SLC36A4: variants seen among roughly 807,000 people sequenced by gnomAD.
SLC36A4 encodes the protein solute carrier family 36 member 4, also known as neutral amino acid uniporter 4.
In SLC36A4, 49 loss-of-function variants were observed where a neutral mutation model predicts 50.5. The observed-to-expected ratio is 0.97, with a 90% CI of 0.77 to 1.23. The LOEUF is 1.23. Among genes scored for constraint, SLC36A4 ranks in the 50% most tolerant of loss-of-function variants. The probability of loss-of-function intolerance (pLI) is 0.00; values close to 1 mark genes in which losing one functional copy is unlikely to be tolerated. For synonymous variants in SLC36A4, 207 were observed against 206.5 expected, an observed-to-expected ratio of 1.00 and a Z score of -0.02; for missense variants, 611 against 608.4, an observed-to-expected ratio of 1.00 and a Z score of -0.05.
chr11:93,166,294 A>G, intron 7 of SLC36A4: 1 of 1,141,156 alleles, frequency 8.8e-7, no homozygotes, highest in Non-Finnish European at 1.1e-6. Context: ...CCAGGCTGTG[A>G]ACACTAGGTA....
intron 9 of SLC36A4, among the ~76,000 whole-genome samples, chr11:93,159,195 G>C (rs990456048): frequency 9.9e-5 from 15 of 152,020 alleles, no homozygotes; most frequent in African/African-American, 3.6e-4. Flanking sequence ...TAATACCTTA[G>C]TAAAGGACAG....
At chr11:93,157,521 G>A (rs1304561374) in intron 9 of SLC36A4, among the ~76,000 whole-genome samples, 3 of 152,128 alleles carry the variant, frequency 2.0e-5, no homozygotes, top group Non-Finnish European at 2.9e-5. Context: ...TGATTTCTCT[G>A]AGCAGTGTTT....
chr11:93,165,227 T>C (rs565328813), intron 8 of SLC36A4, among the ~76,000 whole-genome samples: 1 of 152,250 alleles, frequency 6.6e-6, no homozygotes, highest in East Asian at 1.9e-4. Flanking sequence ...ATCATCAGAC[T>C]ATGAAACATA....
intron 6 of SLC36A4, 56 bp from the exon 7 acceptor site, chr11:93,168,227 A>T: frequency 1.0e-6 from 1 of 1,004,120 alleles, no homozygotes; most frequent in Non-Finnish European, 1.5e-6. Flanking sequence ...TCAACTTACA[A>T]TCATAAAACA....
chr11:93,182,729 A>T (rs1490255201), intron 4 of SLC36A4, 77 bp downstream of exon 4: 2 of 1,020,036 alleles, frequency 2.0e-6, no homozygotes, highest in Non-Finnish European at 2.9e-6. Flanking sequence ...TACAAAGCAC[A>T]GTAGAATATA....
intron 1 of SLC36A4, among the ~76,000 whole-genome samples, chr11:93,187,556 A>G (rs1862042756): frequency 6.6e-6 from 1 of 152,116 alleles, no homozygotes; most frequent in Admixed American, 6.5e-5. Flanking sequence ...ATCTGCCTTA[A>G]GTGACACATT....
rs1472449089 is a variant in SLC36A4 at position 93,146,414 on chromosome 11, T to C, written c.*2123A>G. 6.6e-6 allele frequency: 1 copy of C among 151,992 alleles called. No homozygotes were observed. The highest frequency in any genetic ancestry group is 1.9e-4 in the East Asian group (1 of 5,176). The allele number at this position is 151,992 out of a possible 1,614,324, so 9.4% of individuals were successfully genotyped here. ...AATACTAGTTTCAGTGAAGATTCGT[T>C]TTCCTATAACTTCTTCTGCATTCTC... On this transcript the variant is annotated 3_prime_UTR_variant, in exon 11 of 11. Coordinates refer to ENST00000326402, the MANE Select transcript of SLC36A4 (RefSeq NM_152313.4).
At chr11:93,162,123 A>AT (rs1565220531) in intron 9 of SLC36A4, among the ~76,000 whole-genome samples, 1 of 152,170 alleles carries the variant, frequency 6.6e-6, no homozygotes, top group East Asian at 1.9e-4. Context: ...ACAAGTATTA[A>AT]TTTTTTTATT....
chr11:93,158,619 T>C (rs1210063236), intron 9 of SLC36A4, among the ~76,000 whole-genome samples: 2 of 152,114 alleles, frequency 1.3e-5, no homozygotes, highest in Non-Finnish European at 2.9e-5. Context: ...ATGAACTGTT[T>C]CACTCCTACT....
At chr11:93,172,440 T>A (rs1265825651) in intron 6 of SLC36A4, among the ~76,000 whole-genome samples, 1 of 151,166 alleles carries the variant, frequency 6.6e-6, no homozygotes, top group South Asian at 2.1e-4. Flanking sequence ...GTCCACTGTA[T>A]CATTCTTTTT....
chr11:93,148,014 C>G lies in SLC36A4; in HGVS notation c.*523G>C, dbSNP rs567306291. On this transcript the variant is annotated 3_prime_UTR_variant, in exon 11 of 11. Coordinates refer to ENST00000326402, the MANE Select transcript of SLC36A4 (RefSeq NM_152313.4). ...CTTATATTATGTTAATGGGAGTTTT[C>G]TATACTTCCAGGAGCCAATCATTAG... The G allele has an allele frequency of 5.3e-5, 8 of 152,022 alleles. No individual in the cohort carries two copies. Among genetic ancestry groups the G allele is most frequent in the African/African-American group, 1.4e-4 (6 of 41,466 alleles). The allele number at this position is 152,022 out of a possible 1,614,324, so 9.4% of individuals were successfully genotyped here.
In SLC36A4 at chr11:93,162,811, A is replaced by G. The variant is rs2060504174; in HGVS notation, c.932T>C (p.Met311Thr). ...TACATACAAAGTTGTAACAATCCCC[A>G]TGCCAATATTCAACGCTTGAGGGAA... ...KRFPQALNIG[M>T]GIVTTLYVTL... Residue 311 changes from methionine to threonine, a missense_variant, in exon 9 of 11, where the codon ATG becomes ACG. Coordinates refer to ENST00000326402, the MANE Select transcript of SLC36A4 (RefSeq NM_152313.4). 6.2e-7 allele frequency: 1 copy of G among 1,613,746 alleles called. No individual in the cohort carries two copies. The highest frequency in any genetic ancestry group is 1.3e-5 in the African/African-American group (1 of 74,934).
chr11:93,144,591 A>C lies in SLC36A4; in HGVS notation c.*3946T>G, dbSNP rs1013360296. On this transcript the variant is annotated 3_prime_UTR_variant, in exon 11 of 11. Coordinates refer to ENST00000326402, the MANE Select transcript of SLC36A4 (RefSeq NM_152313.4). ...AGAATCAAGAGTGATTTGCTATTTC[A>C]CTTATCATAGGGCAATAAATAGCAT... The C allele has an allele frequency of 6.6e-6, 1 of 152,038 alleles. No homozygotes were observed. The highest frequency in any genetic ancestry group is 2.1e-4 in the South Asian group (1 of 4,832). 9.4% of individuals were successfully genotyped at this position (152,038 alleles called of 1,614,324 possible). A position where few individuals can be genotyped will look rare whatever the true frequency, so the allele number is the denominator to read the frequency against.
intron 6 of SLC36A4, among the ~76,000 whole-genome samples, chr11:93,179,356 G>A (rs1861634618): frequency 6.6e-6 from 1 of 152,164 alleles, no homozygotes. Context: ...CATAAGGCTT[G>A]CTGTCTAGTG....
chr11:93,158,850 T>C (rs1590938180), intron 9 of SLC36A4, among the ~76,000 whole-genome samples: 1 of 152,102 alleles, frequency 6.6e-6, no homozygotes, highest in African/African-American at 2.4e-5. Flanking sequence ...TTCTAAAGAA[T>C]AATAAACTTT....
At position 93,147,300 on chromosome 11, in the gene SLC36A4, T is replaced by C. The variant is rs1400059351; in HGVS notation, c.*1237A>G. 1.3e-5 allele frequency: 2 copies of C among 152,108 alleles called. No homozygotes were observed. Among genetic ancestry groups the C allele is most frequent in the Admixed American group, 1.3e-4 (2 of 15,238 alleles). The allele number at this position is 152,108 out of a possible 1,614,324, so 9.4% of individuals were successfully genotyped here. On this transcript the variant is annotated 3_prime_UTR_variant, in exon 11 of 11. Coordinates refer to ENST00000326402, the MANE Select transcript of SLC36A4 (RefSeq NM_152313.4). ...CCACACCTAGCTGATTCTTTTATTCTGCTCATAATAAATAAAAGGCTGTGA... is the reference window on the plus strand; with the variant it reads ...CCACACCTAGCTGATTCTTTTATTCCGCTCATAATAAATAAAAGGCTGTGA...
intron 10 of SLC36A4, chr11:93,151,998 A>T (rs1860110560): frequency 6.6e-6 from 1 of 152,016 alleles, no homozygotes; most frequent in Non-Finnish European, 1.5e-5. Context: ...ACGCAGGAGG[A>T]GTCTGAATCA....
At chr11:93,156,247 T>C (rs1430355208) in intron 9 of SLC36A4, among the ~76,000 whole-genome samples, 7 of 152,164 alleles carry the variant, frequency 4.6e-5, no homozygotes, top group Non-Finnish European at 1.0e-4. Flanking sequence ...TAGCATGTTA[T>C]TTTTCGACTT....
chr11:93,152,506 A>T (rs552010390), intron 10 of SLC36A4: 5 of 152,124 alleles, frequency 3.3e-5, no homozygotes, highest in Non-Finnish European at 7.4e-5. Context: ...CATATCCCAT[A>T]TATGGATGAG....
Sources: allele counts gnomAD v4.1 joint callset (sites outside exome capture counted in the v4.1 genomes callset), GRCh38; gene constraint gnomAD v4.1.1; transcripts MANE v1.5; gene names NCBI Gene and HGNC (gene_info 2026-07-23, HGNC 2026-07-21).